MTREX: variants seen among roughly 807,000 people sequenced by gnomAD.
MTREX encodes exosome RNA helicase MTR4.
A neutral mutation model predicts 135.4 loss-of-function variants in MTREX; 76 were observed. The observed-to-expected ratio is 0.56, with a 90% CI of 0.47 to 0.68. The LOEUF is 0.68. Among genes scored for constraint, MTREX ranks in the 30% least tolerant of loss-of-function variants. The pLI is 0.00. For synonymous variants in MTREX, 404 were observed against 401.6 expected (o/e 1.01, Z -0.07); for missense variants, 920 against 1,262.1 (o/e 0.73, Z 4.11).
chr5:55,345,594 T>C (rs1168923026), intron 10 of MTREX, among the ~76,000 whole-genome samples: 1 of 152,150 alleles, frequency 6.6e-6, no homozygotes, highest in Non-Finnish European at 1.5e-5. Flanking sequence ...TTCCCTTGTC[T>C]GTGCATTTCA....
At chr5:55,412,325 G>C (rs1750895569) in intron 23 of MTREX, among the ~76,000 whole-genome samples, 3 of 152,050 alleles carry the variant, frequency 2.0e-5, no homozygotes, top group Admixed American at 6.5e-5. Flanking sequence ...TTATAAAACT[G>C]TCTCTACATT....
chr5:55,358,443 G>A, intron 14 of MTREX, 130 bp from the exon 15 acceptor site: 1 of 772,288 alleles, frequency 1.3e-6, no homozygotes, highest in South Asian at 2.2e-5. Context: ...CAAACTTCAT[G>A]TTGTTTTTAA....
At chr5:55,316,332 A>T (rs1220851516) in intron 1 of MTREX, among the ~76,000 whole-genome samples, 1 of 152,184 alleles carries the variant, frequency 6.6e-6, no homozygotes, top group Non-Finnish European at 1.5e-5. Context: ...AGACACAACG[A>T]CAAAAAACTT....
intron 22 of MTREX, among the ~76,000 whole-genome samples, chr5:55,408,238 T>C (rs1750836272): frequency 6.6e-6 from 1 of 152,214 alleles, no homozygotes; most frequent in Non-Finnish European, 1.5e-5. Context: ...TATCCTGCGA[T>C]TCTTGCATAT....
At chr5:55,316,149 C>T (rs1749195421) in intron 1 of MTREX, among the ~76,000 whole-genome samples, 1 of 152,048 alleles carries the variant, frequency 6.6e-6, no homozygotes, top group Non-Finnish European at 1.5e-5. Flanking sequence ...AATAAATAGC[C>T]TACCCACCAA....
chr5:55,308,676 TTAGC>T (rs950615595), intron 1 of MTREX, among the ~76,000 whole-genome samples: 13 of 152,312 alleles, frequency 8.5e-5, no homozygotes, highest in African/African-American at 2.4e-4. Flanking sequence ...CTAACAGTGG[TTAGC>T]TAGCTATCAC....
intron 10 of MTREX, among the ~76,000 whole-genome samples, chr5:55,345,491 C>T (rs1749716728): frequency 6.6e-6 from 1 of 151,962 alleles, no homozygotes; most frequent in Non-Finnish European, 1.5e-5. Flanking sequence ...AAACCCTGTA[C>T]ACATTAACAG....
At chr5:55,338,622 C>CCT (rs1749590834) in intron 5 of MTREX, among the ~76,000 whole-genome samples, 1 of 150,874 alleles carries the variant, frequency 6.6e-6, no homozygotes, top group Non-Finnish European at 1.5e-5. Context: ...GGATGTCTTG[C>CCT]AGATACCTGA....
intron 19 of MTREX, among the ~76,000 whole-genome samples, chr5:55,394,308 A>G (rs1750614553): frequency 6.6e-6 from 1 of 152,290 alleles, no homozygotes; most frequent in Middle Eastern, 3.4e-3. Flanking sequence ...CTCTGTCCAA[A>G]CAGTGCATCA....
At chr5:55,383,696 T>C (rs1005609897) in intron 18 of MTREX, among the ~76,000 whole-genome samples, 2 of 152,228 alleles carry the variant, frequency 1.3e-5, no homozygotes, top group Admixed American at 6.5e-5. Flanking sequence ...TTGTACTTTA[T>C]TGAATTTTAT....
At position 55,358,557 on chromosome 5, in the gene MTREX, A is replaced by G; in HGVS notation, c.1534-16A>G. 2.5e-6 allele frequency: 4 copies of G among 1,574,016 alleles called. No homozygotes were observed. Among genetic ancestry groups the G allele is most frequent in the Non-Finnish European group, 3.4e-6 (4 of 1,168,592 alleles). On this transcript the variant is annotated splice_polypyrimidine_tract_variant and intron_variant, in intron 14 of 26. Transcript: ENST00000230640. ...GTTTTTTTCCTAAACTCTGAATTTT[A>G]ACTATGTTCATTCAGATTTCTTCTG...
At chr5:55,376,833 G>A (rs2112097200) in intron 16 of MTREX, among the ~76,000 whole-genome samples, 1 of 152,302 alleles carries the variant, frequency 6.6e-6, no homozygotes, top group East Asian at 1.9e-4. Context: ...ACTTTGGGAG[G>A]CCAAGGCAGG....
intron 1 of MTREX, among the ~76,000 whole-genome samples, chr5:55,313,648 A>G (rs947815062): frequency 3.3e-5 from 5 of 152,172 alleles, no homozygotes; most frequent in South Asian, 2.1e-4. Flanking sequence ...CTAATTTGAT[A>G]TTTATTGTGT....
intron 16 of MTREX, among the ~76,000 whole-genome samples, chr5:55,368,295 A>G (rs1750136675): frequency 6.6e-6 from 1 of 150,652 alleles, no homozygotes; most frequent in Non-Finnish European, 1.5e-5. Flanking sequence ...CTAAAAATAC[A>G]AAAAAATTAG....
At chr5:55,403,516 AC>A (rs1383095900) in intron 21 of MTREX, among the ~76,000 whole-genome samples, 1 of 152,262 alleles carries the variant, frequency 6.6e-6, no homozygotes, top group Admixed American at 6.5e-5. Flanking sequence ...TATTCAAAAT[AC>A]AAACATTACT....
intron 3 of MTREX, chr5:55,324,436 T>G (rs1213994424): frequency 9.5e-6 from 1 of 105,754 alleles, no homozygotes; most frequent in Non-Finnish European, 1.6e-5. Flanking sequence ...TTTTTTTTTT[T>G]TTTTTTTTTT....
intron 25 of MTREX, among the ~76,000 whole-genome samples, chr5:55,416,682 A>C (rs1184453508): frequency 6.6e-6 from 1 of 151,790 alleles, no homozygotes; most frequent in Non-Finnish European, 1.5e-5. Flanking sequence ...GAATAATAAG[A>C]AGCAAAAAAA....
intron 22 of MTREX, among the ~76,000 whole-genome samples, chr5:55,406,988 C>G (rs1158203255): frequency 6.6e-6 from 1 of 152,158 alleles, no homozygotes; most frequent in African/African-American, 2.4e-5. Context: ...AAACTGGTAG[C>G]TCAAGCAATA....
intron 16 of MTREX, among the ~76,000 whole-genome samples, chr5:55,378,031 G>A (rs558101902): frequency 1.1e-4 from 16 of 151,594 alleles, no homozygotes; most frequent in African/African-American, 2.2e-4. Flanking sequence ...GGCAGATCTT[G>A]CTGGGTTTTC....
Sources: allele counts gnomAD v4.1 joint callset (sites outside exome capture counted in the v4.1 genomes callset), GRCh38; gene constraint gnomAD v4.1.1; transcripts MANE v1.5; gene names NCBI Gene and HGNC (gene_info 2026-07-23, HGNC 2026-07-21).